Variants in VWA8 observed in about 807,000 individuals in gnomAD.
VWA8 encodes von Willebrand factor A domain-containing protein 8.
Under a neutral mutation model 241.5 loss-of-function variants are expected in VWA8, and 221 were observed. The observed-to-expected ratio is 0.91, with a 90% CI of 0.82 to 1.02. The LOEUF is 1.02. VWA8 is among the 50% of genes least tolerant of loss of function. VWA8 has a pLI of 0.00. For missense variants in VWA8, 2,322 were observed against 2,328.7 expected, an observed-to-expected ratio of 1.00 and a Z score of 0.06; for synonymous variants, 852 against 827.1, an observed-to-expected ratio of 1.03 and a Z score of -0.52.
At chr13:41,929,668 T>C (rs1202579747) in intron 2 of VWA8, among the ~76,000 whole-genome samples, 1 of 152,176 alleles carries the variant, frequency 6.6e-6, no homozygotes, top group Non-Finnish European at 1.5e-5. Flanking sequence ...GAAAGGATAG[T>C]CTCTTCAATA....
At chr13:41,616,326 C>T (rs548324538) in intron 37 of VWA8, among the ~76,000 whole-genome samples, 4 of 152,256 alleles carry the variant, frequency 2.6e-5, no homozygotes, top group South Asian at 2.1e-4. Flanking sequence ...CAAATAGCTT[C>T]GGCAGGATCA....
intron 20 of VWA8, among the ~76,000 whole-genome samples, chr13:41,766,260 T>G (rs2045778380): frequency 6.6e-6 from 1 of 152,190 alleles, no homozygotes; most frequent in Admixed American, 6.5e-5. Flanking sequence ...TTTGGGGCTT[T>G]TCTTCCTGGA....
chr13:41,674,500 A>C (rs1205172936), intron 36 of VWA8, among the ~76,000 whole-genome samples: 1 of 152,178 alleles, frequency 6.6e-6, no homozygotes, highest in Non-Finnish European at 1.5e-5. Context: ...CATGGAGGGC[A>C]AAGAAAGGGA....
At chr13:41,960,462 C>A (rs980123846) in intron 1 of VWA8, among the ~76,000 whole-genome samples, 3 of 152,208 alleles carry the variant, frequency 2.0e-5, no homozygotes, top group Non-Finnish European at 4.4e-5. Context: ...GGCTTCCAGG[C>A]CCTTGAGGCT....
chr13:41,945,292 C>T (rs1476430967), intron 2 of VWA8, among the ~76,000 whole-genome samples: 2 of 148,714 alleles, frequency 1.3e-5, no homozygotes, highest in Middle Eastern at 3.5e-3. Context: ...AAAAAAAAAA[C>T]AGCAACACAA....
chr13:41,895,751 C>T (rs1019618718), intron 4 of VWA8, among the ~76,000 whole-genome samples: 2 of 151,674 alleles, frequency 1.3e-5, no homozygotes, highest in Admixed American at 6.6e-5. Flanking sequence ...AACTGTGATA[C>T]GTCCTGTTTG....
intron 17 of VWA8, among the ~76,000 whole-genome samples, chr13:41,789,462 T>C (rs1000563243): frequency 6.6e-6 from 1 of 152,164 alleles, no homozygotes; most frequent in Non-Finnish European, 1.5e-5. Flanking sequence ...TATTTATTCA[T>C]TTTACCAACA....
intron 4 of VWA8, among the ~76,000 whole-genome samples, chr13:41,903,641 G>A (rs867153014): frequency 6.6e-6 from 1 of 152,114 alleles, no homozygotes; most frequent in Admixed American, 6.5e-5. Context: ...GAAACACCAA[G>A]TACAAAGGAA....
intron 17 of VWA8, among the ~76,000 whole-genome samples, chr13:41,800,564 G>T (rs1381080969): frequency 6.6e-6 from 1 of 151,916 alleles, no homozygotes; most frequent in African/African-American, 2.4e-5. Flanking sequence ...TGAGGCAGGA[G>T]GATCATGAAG....
intron 41 of VWA8, among the ~76,000 whole-genome samples, chr13:41,588,260 T>C (rs534473678): frequency 5.9e-5 from 9 of 152,372 alleles, no homozygotes; most frequent in Non-Finnish European, 1.0e-4. Flanking sequence ...TCCTTCCACA[T>C]TACTGAATTA....
chr13:41,575,309 C>T (rs2044343420), intron 43 of VWA8, among the ~76,000 whole-genome samples: 1 of 152,128 alleles, frequency 6.6e-6, no homozygotes, highest in African/African-American at 2.4e-5. Context: ...ATACTGGGTA[C>T]AGCGTATACT....
At chr13:41,800,742 G>A (rs1172497813) in intron 17 of VWA8, among the ~76,000 whole-genome samples, 1 of 148,412 alleles carries the variant, frequency 6.7e-6, no homozygotes, top group East Asian at 2.0e-4. Context: ...GTAGTGAGCT[G>A]AGATGGCGCC....
chr13:41,709,582 T>A (rs2045303484), intron 26 of VWA8, among the ~76,000 whole-genome samples: 1 of 152,206 alleles, frequency 6.6e-6, no homozygotes, highest in African/African-American at 2.4e-5. Flanking sequence ...ATTTCCAAAA[T>A]GCACCATATT....
intron 17 of VWA8, among the ~76,000 whole-genome samples, chr13:41,801,731 AG>A (rs1869971445): frequency 6.6e-6 from 1 of 152,232 alleles, no homozygotes; most frequent in South Asian, 2.1e-4. Flanking sequence ...TTAGATATTG[AG>A]CAGTGCTGTC....
chr13:41,765,916 T>A (rs564625237), intron 20 of VWA8, among the ~76,000 whole-genome samples: 51 of 152,204 alleles, frequency 3.4e-4, no homozygotes, highest in Admixed American at 8.5e-4. Context: ...AATAATCTCA[T>A]GAGAATGACG....
rs1357701184 is a variant in VWA8, at chr13:41,872,611, A to G, written c.1081-4134T>C. ...TTCTCAGGTTTGTCAAAGATCAGAC[A>G]GTTGTAGATATATGGCGTTATTTCT... On this transcript the variant is annotated intron_variant, in intron 9 of 44. Coordinates refer to ENST00000379310, the MANE Select transcript of VWA8 (RefSeq NM_015058.2). 5.3e-5 allele frequency among the ~76,000 whole-genome samples: 8 copies of G among 152,304 alleles called. No homozygotes were observed. The East Asian group carries it at 1.5e-3, about 29-fold the overall frequency.
At chr13:41,943,148 A>G (rs563952124) in intron 2 of VWA8, among the ~76,000 whole-genome samples, 4 of 152,382 alleles carry the variant, frequency 2.6e-5, no homozygotes, top group South Asian at 4.1e-4. Context: ...GACAAGCAAG[A>G]GAAAAAAATC....
At chr13:41,616,726 T>C (rs2044622667) in intron 37 of VWA8, among the ~76,000 whole-genome samples, 1 of 152,180 alleles carries the variant, frequency 6.6e-6, no homozygotes. Flanking sequence ...GCATGTGAAA[T>C]ATGGCTTGTG....
At chr13:41,956,212 A>G (rs1172095423) in intron 1 of VWA8, among the ~76,000 whole-genome samples, 1 of 152,146 alleles carries the variant, frequency 6.6e-6, no homozygotes, top group Non-Finnish European at 1.5e-5. Context: ...TCTACCCGCT[A>G]GATGCCAGTA....
Sources: allele counts gnomAD v4.1 joint callset (sites outside exome capture counted in the v4.1 genomes callset), GRCh38; gene constraint gnomAD v4.1.1; transcripts MANE v1.5; gene names NCBI Gene and HGNC (gene_info 2026-07-23, HGNC 2026-07-21).